The following HIVEP1 variants were observed in gnomAD, a reference collection of about 807,000 sequenced individuals.
HIVEP1 encodes the protein HIVEP zinc finger 1.
A neutral mutation model predicts 180.0 loss-of-function variants in HIVEP1; 36 were observed. That is an observed-to-expected ratio of 0.20 (90% CI 0.15 to 0.26). The LOEUF (loss-of-function observed/expected upper bound fraction) is 0.26. Ranked by LOEUF, HIVEP1 falls within the 10% of genes least tolerant of loss-of-function variation. The pLI is 1.00. For missense variants in HIVEP1, 3,143 were observed against 3,268.7 expected, an observed-to-expected ratio of 0.96 and a Z score of 0.94; for synonymous variants, 1,239 against 1,239.0, an observed-to-expected ratio of 1.00 and a Z score of 0.00.
intron 2 of HIVEP1, among the ~76,000 whole-genome samples, chr6:12,028,398 A>G (rs778930139): frequency 3.4e-4 from 52 of 152,222 alleles, no homozygotes; most frequent in Non-Finnish European, 6.6e-4. Flanking sequence ...TTGATGAGTG[A>G]GCATATAAGG....
intron 2 of HIVEP1, among the ~76,000 whole-genome samples, chr6:12,049,931 A>G (rs1770387925): frequency 6.6e-6 from 1 of 152,190 alleles, no homozygotes; most frequent in Admixed American, 6.5e-5. Context: ...AAAAATTACA[A>G]GGTATTCACC....
intron 2 of HIVEP1, among the ~76,000 whole-genome samples, chr6:12,072,085 CT>C (rs71830598): frequency 0.21 from 30,488 of 146,582 alleles, 3,854 homozygotes; most frequent in African/African-American, 0.38. Context: ...TATTCTTCTT[CT>C]TTTTTTTTTT....
intron 2 of HIVEP1, among the ~76,000 whole-genome samples, chr6:12,043,505 G>C (rs1250863007): frequency 6.6e-6 from 1 of 151,784 alleles, no homozygotes; most frequent in East Asian, 1.9e-4. Flanking sequence ...GGGATTACAG[G>C]ACAGGCTCCT....
At chr6:12,074,779 G>A (rs1306607574) in intron 2 of HIVEP1, among the ~76,000 whole-genome samples, 1 of 151,948 alleles carries the variant, frequency 6.6e-6, no homozygotes, top group Non-Finnish European at 1.5e-5. Flanking sequence ...AAAAGTGATG[G>A]ATCAGTATTG....
At chr6:12,131,516 TC>T (rs2113569315) in intron 6 of HIVEP1, among the ~76,000 whole-genome samples, 1 of 151,882 alleles carries the variant, frequency 6.6e-6, no homozygotes, top group East Asian at 1.9e-4. Flanking sequence ...TCAGAACTAA[TC>T]ATTAAAATTA....
At chr6:12,094,505 A>G (rs2084901276) in intron 3 of HIVEP1, among the ~76,000 whole-genome samples, 1 of 151,628 alleles carries the variant, frequency 6.6e-6, no homozygotes, top group Admixed American at 6.6e-5. Context: ...TCTATTTTTT[A>G]TTTGTTGAAA....
the HIVEP1 span, among the ~76,000 whole-genome samples, chr6:12,180,205 T>C: frequency 6.6e-6 from 1 of 152,250 alleles, no homozygotes; most frequent in African/African-American, 2.4e-5. Context: ...AATATTTGCC[T>C]GAGGCCCCGG....
intron 1 of HIVEP1, chr6:12,012,779 G>T (rs1021214805): frequency 6.5e-6 from 1 of 152,924 alleles, no homozygotes; most frequent in Non-Finnish European, 1.5e-5. Flanking sequence ...CGCCGCGCGC[G>T]AGCCGAGCAG....
In HIVEP1 at chr6:12,120,165, A is replaced by G. The variant is rs1775478700; in HGVS notation, c.370A>G (p.Lys124Glu). 2 of 1,614,096 alleles carry G rather than the reference A, an allele frequency of 1.2e-6. No individual in the cohort carries two copies. The highest frequency in any genetic ancestry group is 2.7e-5 in the African/African-American group (2 of 74,940). ...ETPGIIAEAS[K>E]SEESVSPKKP... The stretch of plus-strand genomic sequence containing the variant: ...ACCTGGAATAATTGCTGAAGCCTCA[A>G]AATCTGAAGAATCTGTCTCCCCAAA... The change falls in exon 4 of 9, where the codon AAA (lysine) becomes GAA (glutamate). Residue 124 changes from lysine (K) to glutamate (E), a missense_variant. Transcript: ENST00000379388.
chr6:12,109,704 T>G (rs1046277350), intron 3 of HIVEP1, among the ~76,000 whole-genome samples: 1 of 152,182 alleles, frequency 6.6e-6, no homozygotes, highest in Non-Finnish European at 1.5e-5. Context: ...TCCCTCAAAG[T>G]CATCCTTGAG....
intron 2 of HIVEP1, among the ~76,000 whole-genome samples, chr6:12,051,301 T>C (rs1770524310): frequency 6.6e-6 from 1 of 151,778 alleles, no homozygotes; most frequent in Non-Finnish European, 1.5e-5. Flanking sequence ...GCTACCACCT[T>C]ATAAATGCAG....
intron 2 of HIVEP1, among the ~76,000 whole-genome samples, chr6:12,060,669 A>T (rs1190444780): frequency 6.6e-6 from 1 of 152,282 alleles, no homozygotes; most frequent in East Asian, 1.9e-4. Flanking sequence ...GCTTGCTGAG[A>T]TACTGTGTCA....
chr6:12,013,402 A>G (rs753393170), intron 1 of HIVEP1, among the ~76,000 whole-genome samples: 2 of 152,206 alleles, frequency 1.3e-5, no homozygotes, highest in African/African-American at 4.8e-5. Flanking sequence ...CACTCGTCCT[A>G]GTCGCTACAA....
At chr6:12,092,148 C>G (rs1277419678) in intron 3 of HIVEP1, among the ~76,000 whole-genome samples, 1 of 152,124 alleles carries the variant, frequency 6.6e-6, no homozygotes, top group Non-Finnish European at 1.5e-5. Context: ...ATTGTATCCA[C>G]CCACATGCTG....
chr6:12,051,293 T>C (rs1770523773), intron 2 of HIVEP1, among the ~76,000 whole-genome samples: 1 of 151,820 alleles, frequency 6.6e-6, no homozygotes, highest in Non-Finnish European at 1.5e-5. Flanking sequence ...GTGGTTATGC[T>C]ACCACCTTAT....
At chr6:12,101,431 A>G (rs1293942285) in intron 3 of HIVEP1, among the ~76,000 whole-genome samples, 3 of 152,148 alleles carry the variant, frequency 2.0e-5, no homozygotes, top group African/African-American at 2.4e-5. Flanking sequence ...GTATATAACA[A>G]AAGGAGGAAA....
the HIVEP1 span, among the ~76,000 whole-genome samples, chr6:12,181,127 G>A: frequency 6.6e-6 from 1 of 152,116 alleles, no homozygotes; most frequent in Non-Finnish European, 1.5e-5. Flanking sequence ...TTGGGAGGCC[G>A]AGGCAGGTGG....
chr6:12,047,537 G>A (rs775451161), intron 2 of HIVEP1, among the ~76,000 whole-genome samples: 3 of 152,236 alleles, frequency 2.0e-5, no homozygotes, highest in Non-Finnish European at 2.9e-5. Flanking sequence ...GCCCTGGGCA[G>A]CCTAGGTCAC....
intron 3 of HIVEP1, among the ~76,000 whole-genome samples, chr6:12,108,558 G>A (rs888700157): frequency 1.3e-5 from 2 of 152,192 alleles, no homozygotes; most frequent in African/African-American, 4.8e-5. Context: ...AATGCCCGGC[G>A]AGAAATCGAG....
Sources: gnomAD v4.1 joint callset for allele counts (sites outside exome capture counted in the v4.1 genomes callset) on GRCh38, gnomAD v4.1.1 for gene constraint, MANE v1.5 for transcripts, NCBI Gene and HGNC (gene_info 2026-07-23, HGNC 2026-07-21) for gene names.